The following ASIC2 variants were observed in gnomAD, a reference collection of about 807,000 sequenced individuals.
ASIC2 encodes acid sensing ion channel subunit 2, also known as acid-sensing ion channel 2.
ASIC2 carries 25 observed loss-of-function variants against 57.3 expected under a neutral mutation model. The observed-to-expected ratio is 0.44, with a 90% CI of 0.32 to 0.61. ASIC2 has a LOEUF of 0.61. ASIC2 is among the 20% of genes least tolerant of loss of function. The probability of loss-of-function intolerance (pLI) is 0.06; values close to 1 mark genes in which losing one functional copy is unlikely to be tolerated. For synonymous variants in ASIC2, 319 were observed against 307.5 expected (o/e 1.04, Z -0.39); for missense variants, 641 against 738.1 (o/e 0.87, Z 1.52).
intron 6 of ASIC2, 137 bp downstream of exon 6, chr17:33,023,724 G>A (rs781409218): frequency 1.5e-5 from 17 of 1,172,210 alleles, no homozygotes; most frequent in African/African-American, 3.1e-5. Context: ...AGCGCAGAGC[G>A]TGACACACAG....
chr17:33,076,235 A>G (rs989627212), intron 3 of ASIC2, among the ~76,000 whole-genome samples: 2 of 152,218 alleles, frequency 1.3e-5, no homozygotes, highest in Non-Finnish European at 2.9e-5. Context: ...GCCTCTTGCT[A>G]TGTCCTTGCA....
At chr17:33,920,726 T>A (rs376678156) in intron 1 of ASIC2, among the ~76,000 whole-genome samples, 6 of 152,356 alleles carry the variant, frequency 3.9e-5, no homozygotes, top group East Asian at 1.9e-4. Flanking sequence ...TGAAATTATA[T>A]ATTTTTTTAA....
rs544015439 is a variant in ASIC2, at chr17:33,977,982, C to T, written c.555+177996G>A. Among the ~76,000 whole-genome samples the T allele has an allele frequency of 2.0e-5, 3 of 152,286 alleles. No homozygotes were observed. The South Asian group carries it at 6.2e-4, about 32-fold the overall frequency. On this transcript the variant is annotated intron_variant, in intron 1 of 9. Transcript: ENST00000359872. Reference sequence around the variant, plus strand: ...GGCATCATGGTGCAGTATGGAGGTCCCGGGCCATGGTTTCAGTGCTGTCTA... The same window carrying T: ...GGCATCATGGTGCAGTATGGAGGTCTCGGGCCATGGTTTCAGTGCTGTCTA...
At chr17:34,011,753 A>G (rs886155230) in intron 1 of ASIC2, among the ~76,000 whole-genome samples, 2 of 151,904 alleles carry the variant, frequency 1.3e-5, no homozygotes, top group South Asian at 4.2e-4. Context: ...ATATTACCAG[A>G]CTTTTAAGTA....
chr17:33,366,894 T>G (rs1908829756), intron 1 of ASIC2, among the ~76,000 whole-genome samples: 2 of 152,222 alleles, frequency 1.3e-5, no homozygotes, highest in South Asian at 4.1e-4. Context: ...TAATAAATAC[T>G]AAGAAGAAAT....
chr17:33,055,010 A>G (rs758616817), intron 3 of ASIC2, among the ~76,000 whole-genome samples: 8 of 152,202 alleles, frequency 5.3e-5, no homozygotes, highest in Admixed American at 3.9e-4. Context: ...AGCCCATGTC[A>G]GCTCCTGGGT....
At chr17:33,294,620 A>AC (rs1905646441), upstream of ASIC2, among the ~76,000 whole-genome samples, 1 of 151,286 alleles carries the variant, frequency 6.6e-6, no homozygotes, top group African/African-American at 2.4e-5. Flanking sequence ...CATATACACA[A>AC]ACACACACAC....
intron 1 of ASIC2, among the ~76,000 whole-genome samples, chr17:33,690,451 T>C (rs1283780864): frequency 2.0e-5 from 3 of 152,214 alleles, no homozygotes; most frequent in Non-Finnish European, 4.4e-5. Context: ...TCCATGTGGA[T>C]GCATGGGCTT....
chr17:33,635,359 A>C (rs1056576550), intron 1 of ASIC2, among the ~76,000 whole-genome samples: 1 of 152,210 alleles, frequency 6.6e-6, no homozygotes, highest in Admixed American at 6.5e-5. Flanking sequence ...CCAGAAACAG[A>C]AGTTTAGGTT....
intron 1 of ASIC2, among the ~76,000 whole-genome samples, chr17:33,338,475 G>T (rs1173096514): frequency 1.3e-5 from 2 of 152,162 alleles, no homozygotes; most frequent in African/African-American, 4.8e-5. Context: ...GGATTTTTAA[G>T]AAATGAGGAG....
At chr17:33,774,322 G>T (rs1282856121) in intron 1 of ASIC2, among the ~76,000 whole-genome samples, 1 of 152,174 alleles carries the variant, frequency 6.6e-6, no homozygotes, top group Non-Finnish European at 1.5e-5. Context: ...TGATCAATTG[G>T]TAGCAGCTGC....
At chr17:33,890,105 T>C (rs1460064554) in intron 1 of ASIC2, among the ~76,000 whole-genome samples, 7 of 152,184 alleles carry the variant, frequency 4.6e-5, no homozygotes, top group Non-Finnish European at 1.5e-5. Flanking sequence ...TTTCATTAAT[T>C]TAAAAAAGTA....
At chr17:33,845,358 A>C (rs953838260) in intron 1 of ASIC2, among the ~76,000 whole-genome samples, 2 of 152,200 alleles carry the variant, frequency 1.3e-5, no homozygotes, top group African/African-American at 4.8e-5. Flanking sequence ...TTTTACGAGT[A>C]ATATTACCAG....
chr17:33,442,815 T>C (rs1476994772), intron 1 of ASIC2, among the ~76,000 whole-genome samples: 1 of 152,226 alleles, frequency 6.6e-6, no homozygotes, highest in African/African-American at 2.4e-5. Context: ...CGGTATGATG[T>C]TAAGTAGGAT....
intron 1 of ASIC2, among the ~76,000 whole-genome samples, chr17:33,602,423 G>T (rs541394259): frequency 1.3e-5 from 2 of 151,682 alleles, no homozygotes; most frequent in African/African-American, 4.8e-5. Flanking sequence ...GGCCCCCTTC[G>T]CTCTCTCTCT....
chr17:33,319,165 G>A (rs749202325), intron 1 of ASIC2, among the ~76,000 whole-genome samples: 8 of 152,226 alleles, frequency 5.3e-5, no homozygotes, highest in Admixed American at 2.6e-4. Context: ...GGGATGCGGA[G>A]CTTGCAGCGA....
rs1335488663 is a variant in ASIC2, at chr17:33,634,584, T to C, written c.555+521394A>G. On this transcript the variant is annotated intron_variant, in intron 1 of 9. Transcript: ENST00000359872. ...AGGCTGGAGTGCAGTAGTGCGATCTTGGCTCACTGCAAGCTCCGCCTCCCG... is the reference window on the plus strand; with the variant it reads ...AGGCTGGAGTGCAGTAGTGCGATCTCGGCTCACTGCAAGCTCCGCCTCCCG... Among the ~76,000 whole-genome samples, 4 of 150,064 alleles carry C rather than the reference T, an allele frequency of 2.7e-5. No homozygotes were observed. The East Asian group carries it at 7.9e-4, about 30-fold the overall frequency.
At chr17:33,563,500 A>G (rs527379752) in intron 1 of ASIC2, among the ~76,000 whole-genome samples, 207 of 152,198 alleles carry the variant, frequency 1.4e-3, no homozygotes, top group South Asian at 3.3e-3. Flanking sequence ...TCCCCAGCCC[A>G]CCACTGGAGC....
intron 1 of ASIC2, among the ~76,000 whole-genome samples, chr17:33,406,993 T>C (rs967737988): frequency 5.3e-5 from 8 of 152,266 alleles, no homozygotes; most frequent in Non-Finnish European, 1.0e-4. Flanking sequence ...TCTGAAAGAC[T>C]TGAGTTCAAG....
Sources: allele counts gnomAD v4.1 joint callset (sites outside exome capture counted in the v4.1 genomes callset), GRCh38; gene constraint gnomAD v4.1.1; transcripts MANE v1.5; gene names NCBI Gene and HGNC (gene_info 2026-07-23, HGNC 2026-07-21).